ITIH4: variants seen among roughly 807,000 people sequenced by gnomAD.
The protein encoded by ITIH4 is inter-alpha-trypsin inhibitor heavy chain H4.
Under a neutral mutation model 111.8 loss-of-function variants are expected in ITIH4, and 79 were observed. The observed-to-expected ratio is 0.71, with a 90% CI of 0.59 to 0.85. The LOEUF is 0.85. Ranked by LOEUF, ITIH4 falls within the 40% of genes least tolerant of loss-of-function variation. The pLI is 0.00. For synonymous variants in ITIH4, 472 were observed against 468.3 expected (o/e 1.01, Z -0.10); for missense variants, 1,065 against 1,195.8 (o/e 0.89, Z 1.61).
rs1700337374 is a variant in ITIH4, at chr3:52,819,498, T to C, written c.1972A>G (p.Met658Val). Residue 658 changes from methionine to valine, a missense_variant, in exon 17 of 24, where the codon ATG becomes GTG. Transcript: ENST00000266041. ...NRQAGAAGSR[M>V]NFRPGVLSSR... ...CTGAGAACCCCAGGTCTGAAATTCA[T>C]CCGGGAGCCAGCAGCTCCAGCTTTG... is the stretch of plus-strand genomic sequence containing the variant. The C allele has an allele frequency of 1.9e-6, 3 of 1,613,986 alleles. No homozygotes were observed. Among genetic ancestry groups the C allele is most frequent in the Non-Finnish European group, 2.5e-6 (3 of 1,180,010 alleles).
chr3:52,826,673 C>T lies in ITIH4; in HGVS notation c.520-22G>A, dbSNP rs372243849. ...CCATCTGGAGGCAAGATGTGGGTCC[C>T]TGGGTCAGCCAGGAGCCTGGGCTGG... On this transcript the variant is annotated intron_variant, in intron 4 of 23. Coordinates refer to ENST00000266041, the MANE Select transcript of ITIH4 (RefSeq NM_002218.5). The T allele has an allele frequency of 3.7e-6, 6 of 1,612,342 alleles. No individual in the cohort carries two copies. The African/African-American group carries it at 5.3e-5, about 14-fold the overall frequency.
rs1043752536 is a variant in ITIH4, at chr3:52,824,513, A to C, written c.929T>G (p.Phe310Cys). 1 of 1,614,056 alleles carries C rather than the reference A, an allele frequency of 6.2e-7. No individual in the cohort carries two copies. Among genetic ancestry groups the C allele is most frequent in the Non-Finnish European group, 8.5e-7 (1 of 1,180,030 alleles). ...ILDDLSPRDQ[F>C]NLIVFSTEAT... ...TTCTGTACTGAAGACGATGAGGTTG[A>C]ACTGGTCTCTGGGGCTGAGGTCATC... Residue 310 changes from phenylalanine (F) to cysteine (C), a missense_variant, in exon 8 of 24, where the codon TTC becomes TGC. By Grantham distance (205) the Phe-to-Cys change is radical. Transcript: ENST00000266041. This position sits in a 1 kb window ranked among gnomAD's most constrained non-coding sequence, Gnocchi z 4.3.
Position 52,814,244 on chromosome 3 carries a change from G to C in ITIH4, c.2591C>G (p.Thr864Ser). 1 of 1,613,702 alleles carries C rather than the reference G, an allele frequency of 6.2e-7. No individual in the cohort carries two copies. The highest frequency in any genetic ancestry group is 2.2e-5 in the East Asian group (1 of 44,886). ...GEGLRLLLRD[T>S]DRFSSHVGGT... The stretch of plus-strand genomic sequence containing the variant: ...TCCAACGTGGCTGGAGAAGCGGTCA[G>C]TGTCACGCAGAAGGAGCCGGAGCCC... The change falls in exon 22 of 24, where the codon ACT (threonine) becomes AGT (serine). Residue 864 changes from threonine (T) to serine (S), a missense_variant. Physicochemically the swap from Thr to Ser is moderately conservative, Grantham distance 58. Transcript: ENST00000266041.
At position 52,819,749 on chromosome 3, in the gene ITIH4, A is replaced by G; in HGVS notation, c.1951+5T>C. On this transcript the variant is annotated splice_donor_5th_base_variant and intron_variant, in intron 16 of 23. Transcript: ENST00000266041. Reference sequence around the variant, plus strand: ...GCCTCCCCCTGGCAGAAACCCTCAAACTACCTTGTCTATTCCATCCTCTTC... The same window carrying G: ...GCCTCCCCCTGGCAGAAACCCTCAAGCTACCTTGTCTATTCCATCCTCTTC... The G allele has an allele frequency of 6.2e-7, 1 of 1,613,830 alleles. No individual in the cohort carries two copies. Among genetic ancestry groups the G allele is most frequent in the Non-Finnish European group, 8.5e-7 (1 of 1,179,854 alleles).
At chr3:52,820,415 C>T (rs1018555729) in intron 13 of ITIH4, 98 bp from the exon 14 acceptor site, 2 of 1,361,242 alleles carry the variant, frequency 1.5e-6, no homozygotes, top group African/African-American at 2.9e-5. Context: ...TGTGTTTAAT[C>T]TTGCTACCCA....
intron 18 of ITIH4, 71 bp downstream of exon 18, chr3:52,818,391 C>T (rs1239361616): frequency 4.4e-6 from 7 of 1,574,086 alleles, no homozygotes; most frequent in Middle Eastern, 1.7e-4. Context: ...ACTTCAACAT[C>T]GAGACATGTG....
intron 11 of ITIH4, 73 bp downstream of exon 11, chr3:52,823,483 T>G: frequency 1.5e-6 from 2 of 1,317,002 alleles, no homozygotes; most frequent in Non-Finnish European, 1.0e-6. Flanking sequence ...AGGTCTGGGA[T>G]TTGAGTCCAG....
intron 14 of ITIH4, 66 bp downstream of exon 14, chr3:52,820,225 G>A: frequency 6.2e-6 from 10 of 1,604,474 alleles, no homozygotes; most frequent in Admixed American, 1.7e-5. Flanking sequence ...TCACAGGGCT[G>A]GTGCCCTGGA....
chr3:52,818,703 G>C, intron 17 of ITIH4, 167 bp from the exon 18 acceptor site: 1 of 643,868 alleles, frequency 1.6e-6, no homozygotes, highest in African/African-American at 1.8e-5. Context: ...ATGCTGTCAG[G>C]GATAGGTCCA....
At chr3:52,814,440 G>A in intron 21 of ITIH4, 77 bp from the exon 22 acceptor site, 6 of 1,320,244 alleles carry the variant, frequency 4.5e-6, no homozygotes, top group Non-Finnish European at 5.4e-6. Context: ...GTGGGGAGTG[G>A]GCTGGGCTTC....
chr3:52,818,371 T>C (rs896288157), intron 18 of ITIH4, 88 bp from the exon 19 acceptor site: 2 of 1,567,186 alleles, frequency 1.3e-6, no homozygotes, highest in Non-Finnish European at 1.7e-6. Flanking sequence ...TGTGGCTGGG[T>C]TCCCTCACTA....
chr3:52,820,493 A>T (rs1461166645), intron 13 of ITIH4, 138 bp downstream of exon 13: 9 of 1,203,166 alleles, frequency 7.5e-6, no homozygotes, highest in Non-Finnish European at 1.1e-5. Flanking sequence ...TTTCCTCATC[A>T]GTGAATAGGC....
intron 6 of ITIH4, chr3:52,825,234 A>T: frequency 4.1e-6 from 1 of 246,240 alleles, no homozygotes; most frequent in Non-Finnish European, 7.7e-6. Flanking sequence ...TAAAAAGTTC[A>T]GACATCATAA....
At chr3:52,820,247 C>T in intron 14 of ITIH4, 44 bp downstream of exon 14, 2 of 1,613,406 alleles carry the variant, frequency 1.2e-6, no homozygotes, top group Non-Finnish European at 1.7e-6. Flanking sequence ...CCTGTGTTAG[C>T]AGACCACCAC....
In ITIH4 at chr3:52,827,116, C is replaced by T; in HGVS notation, c.333G>A (p.Lys111=). Residue 111 remains lysine (K), a synonymous_variant, in exon 3 of 24, where the codon AAG becomes AAA. Transcript: ENST00000266041. ...ACTTGACGAGGCCAGCGCTCTTTCC[C>T]TTGGCCACTGCTGCGCTGTACTGTG... ...AQAQYSAAVA[K]GKSAGLVKAT... 6.2e-7 allele frequency: 1 copy of T among 1,614,174 alleles called. No homozygotes were observed. The highest frequency in any genetic ancestry group is 1.1e-5 in the South Asian group (1 of 91,092).
At chr3:52,826,695 C>T in intron 4 of ITIH4, 44 bp from the exon 5 acceptor site, 2 of 1,610,886 alleles carry the variant, frequency 1.2e-6, no homozygotes, top group South Asian at 2.2e-5. Context: ...GGAGCCTGGG[C>T]TGGGGCTCAC....
chr3:52,815,001 T>G (rs1434659645), intron 21 of ITIH4, among the ~76,000 whole-genome samples: 2 of 152,248 alleles, frequency 1.3e-5, no homozygotes, highest in Non-Finnish European at 2.9e-5. Flanking sequence ...TTGGATGACT[T>G]GTGTTTAATC....
At position 52,813,221 on chromosome 3, in the gene ITIH4, A is replaced by G; in HGVS notation, c.*200T>C. 1 of 593,172 alleles carries G rather than the reference A, an allele frequency of 1.7e-6. No individual in the cohort carries two copies. Among genetic ancestry groups the G allele is most frequent in the Non-Finnish European group, 3.0e-6 (1 of 328,532 alleles). The allele number at this position is 593,172 out of a possible 1,614,324, so 36.7% of individuals were successfully genotyped here. A position where few individuals can be genotyped will look rare whatever the true frequency, so the allele number is the denominator to read the frequency against. On this transcript the variant is annotated 3_prime_UTR_variant, in exon 24 of 24. Transcript: ENST00000266041. ...GGAAGCTTCTGTGTTCCACGATGCTAAGGTTCAGGATGCGAGGTTGAGGCC... is the reference window on the plus strand; with the variant it reads ...GGAAGCTTCTGTGTTCCACGATGCTGAGGTTCAGGATGCGAGGTTGAGGCC...
intron 23 of ITIH4, 87 bp from the exon 24 acceptor site, chr3:52,813,577 A>G (rs1700226857): frequency 8.4e-7 from 1 of 1,189,876 alleles, no homozygotes; most frequent in Non-Finnish European, 1.3e-6. Flanking sequence ...GGACAGGAAC[A>G]TGGAGGGCAG....
Sources: gnomAD v4.1 joint callset for allele counts (sites outside exome capture counted in the v4.1 genomes callset) on GRCh38, gnomAD v4.1.1 for gene constraint, Gnocchi (gnomAD v3.1) non-coding constraint, MANE v1.5 for transcripts, NCBI Gene and HGNC (gene_info 2026-07-23, HGNC 2026-07-21) for gene names.